ZRANB3: variants seen among roughly 807,000 people sequenced by gnomAD.
ZRANB3 encodes the protein zinc finger RANBP2-type containing 3.
A neutral mutation model predicts 133.8 loss-of-function variants in ZRANB3; 125 were observed. The ratio of observed to expected loss-of-function variants is 0.93; its 90% CI spans 0.81 to 1.08. The LOEUF is 1.08. Among genes scored for constraint, ZRANB3 ranks in the 50% least tolerant of loss-of-function variants. The probability of loss-of-function intolerance (pLI) is 0.00; values close to 1 mark genes in which losing one functional copy is unlikely to be tolerated. For synonymous variants in ZRANB3, 387 were observed against 432.7 expected (o/e 0.89, Z 1.31); for missense variants, 1,229 against 1,275.5 (o/e 0.96, Z 0.56).
intron 2 of ZRANB3, among the ~76,000 whole-genome samples, chr2:135,482,423 T>C (rs1186867241): frequency 6.7e-6 from 1 of 148,908 alleles, no homozygotes; most frequent in Non-Finnish European, 1.5e-5. Context: ...TGTTTGTCTG[T>C]TGATGGTGTA....
chr2:135,368,700 G>A (rs1686041805), intron 3 of ZRANB3, among the ~76,000 whole-genome samples: 1 of 151,796 alleles, frequency 6.6e-6, no homozygotes, highest in South Asian at 2.1e-4. Flanking sequence ...TTACCTTAAT[G>A]TGATTATTAC....
chr2:135,492,079 G>A (rs1051677706), intron 2 of ZRANB3, among the ~76,000 whole-genome samples: 1 of 151,990 alleles, frequency 6.6e-6, no homozygotes, highest in Non-Finnish European at 1.5e-5. Flanking sequence ...TATACTAAAC[G>A]AAAACAGGAA....
At chr2:135,333,554 A>G (rs1381442570) in intron 6 of ZRANB3, among the ~76,000 whole-genome samples, 3 of 152,192 alleles carry the variant, frequency 2.0e-5, no homozygotes, top group African/African-American at 7.2e-5. Flanking sequence ...ACCATGTGAA[A>G]TATCTTAGAT....
At chr2:135,235,620 A>T (rs892154597) in intron 12 of ZRANB3, among the ~76,000 whole-genome samples, 2 of 151,684 alleles carry the variant, frequency 1.3e-5, no homozygotes, top group African/African-American at 4.8e-5. Context: ...CTGGGAAGCA[A>T]GGCTGGTTCA....
intron 1 of ZRANB3, among the ~76,000 whole-genome samples, chr2:135,529,642 G>A (rs1162081470): frequency 2.6e-5 from 4 of 151,942 alleles, no homozygotes; most frequent in African/African-American, 9.7e-5. Context: ...TGGGACTACA[G>A]ATCCTACAGA....
At chr2:135,316,978 A>T (rs1683287222) in intron 6 of ZRANB3, among the ~76,000 whole-genome samples, 1 of 144,820 alleles carries the variant, frequency 6.9e-6, no homozygotes, top group Non-Finnish European at 1.5e-5. Context: ...AAAAAAAAAA[A>T]AAAAAATATA....
chr2:135,363,121 G>C (rs541616275), intron 3 of ZRANB3, among the ~76,000 whole-genome samples: 1 of 152,256 alleles, frequency 6.6e-6, no homozygotes, highest in East Asian at 1.9e-4. Flanking sequence ...TAGACAAAAA[G>C]AAGTGATAAT....
At chr2:135,504,588 A>G in intron 1 of ZRANB3, 92 bp from the exon 2 acceptor site, 2 of 1,121,020 alleles carry the variant, frequency 1.8e-6, no homozygotes, top group Non-Finnish European at 2.5e-6. Context: ...ATATTAAAGT[A>G]CTTATAAATA....
chr2:135,502,486 C>T (rs1404365447), intron 2 of ZRANB3, among the ~76,000 whole-genome samples: 2 of 152,174 alleles, frequency 1.3e-5, no homozygotes, highest in Non-Finnish European at 2.9e-5. Context: ...TTTTTAACCA[C>T]AGTAATTAGG....
chr2:135,446,828 A>C (rs1414117391), intron 2 of ZRANB3, among the ~76,000 whole-genome samples: 1 of 152,184 alleles, frequency 6.6e-6, no homozygotes, highest in East Asian at 1.9e-4. Flanking sequence ...TTGGAACTGG[A>C]GTAGAAAAGG....
At chr2:135,424,470 C>G (rs1220076413) in intron 2 of ZRANB3, among the ~76,000 whole-genome samples, 1 of 152,154 alleles carries the variant, frequency 6.6e-6, no homozygotes, top group African/African-American at 2.4e-5. Flanking sequence ...CAGTGGCTCA[C>G]GTCTGTAATC....
At chr2:135,467,805 C>T (rs1039261807) in intron 2 of ZRANB3, among the ~76,000 whole-genome samples, 3 of 152,180 alleles carry the variant, frequency 2.0e-5, no homozygotes, top group African/African-American at 7.2e-5. Flanking sequence ...CACTCCAGAC[C>T]CTCTGAGCTT....
chr2:135,265,582 A>C lies in ZRANB3; in HGVS notation c.1491T>G (p.Thr497=). Residue 497 remains threonine, a synonymous_variant, in exon 12 of 21, where the codon ACT becomes ACG. Coordinates refer to ENST00000264159, the MANE Select transcript of ZRANB3 (RefSeq NM_032143.4). ...WDFLQFAEAW[T]PNDSSEELRK... is the part of the protein sequence containing the mutation. ...TTAACTCTTCAGAACTGTCATTTGG[A>C]GTCCAAGCTTCAGCAAACTGCAGGA... 3.1e-6 allele frequency: 5 copies of C among 1,613,736 alleles called. No individual in the cohort carries two copies. Among genetic ancestry groups the C allele is most frequent in the Non-Finnish European group, 4.2e-6 (5 of 1,179,788 alleles).
At chr2:135,475,509 T>G (rs752971659) in intron 2 of ZRANB3, among the ~76,000 whole-genome samples, 1 of 152,194 alleles carries the variant, frequency 6.6e-6, no homozygotes, top group Non-Finnish European at 1.5e-5. Context: ...AGTATACCCA[T>G]GATCATAATG....
At chr2:135,452,356 T>C (rs969783992) in intron 2 of ZRANB3, among the ~76,000 whole-genome samples, 14 of 152,084 alleles carry the variant, frequency 9.2e-5, no homozygotes, top group Non-Finnish European at 1.3e-4. Flanking sequence ...AACCATATCA[T>C]TCCCCCCATG....
At chr2:135,216,631 G>A (rs532751060) in intron 17 of ZRANB3, among the ~76,000 whole-genome samples, 1 of 150,970 alleles carries the variant, frequency 6.6e-6, no homozygotes, top group African/African-American at 2.4e-5. Context: ...TAGAAACAGG[G>A]TCTCCCTGTG....
chr2:135,211,004 G>C (rs1694075241), intron 17 of ZRANB3, among the ~76,000 whole-genome samples: 1 of 152,046 alleles, frequency 6.6e-6, no homozygotes, highest in East Asian at 1.9e-4. Context: ...ACTCCAGCCT[G>C]GGTGACAGAG....
intron 2 of ZRANB3, among the ~76,000 whole-genome samples, chr2:135,428,639 A>C (rs1049888945): frequency 1.3e-5 from 2 of 152,130 alleles, no homozygotes; most frequent in African/African-American, 4.8e-5. Flanking sequence ...GTCTGTAAGA[A>C]ACTTAAACAA....
chr2:135,508,679 T>A (rs186215553), intron 1 of ZRANB3, among the ~76,000 whole-genome samples: 4 of 152,168 alleles, frequency 2.6e-5, no homozygotes, highest in Non-Finnish European at 4.4e-5. Flanking sequence ...ATGTAATGAA[T>A]AGAACATGAA....
Sources: allele counts gnomAD v4.1 joint callset (sites outside exome capture counted in the v4.1 genomes callset), GRCh38; gene constraint gnomAD v4.1.1; transcripts MANE v1.5; gene names NCBI Gene and HGNC (gene_info 2026-07-23, HGNC 2026-07-21).